ZNF503: variants seen among roughly 807,000 people sequenced by gnomAD.
The protein encoded by ZNF503 is zinc finger protein 503.
A neutral mutation model predicts 34.4 loss-of-function variants in ZNF503; 15 were observed. The observed-to-expected ratio is 0.44, with a 90% CI of 0.29 to 0.67. ZNF503 has a LOEUF of 0.67. Ranked by LOEUF, ZNF503 falls within the 30% of genes least tolerant of loss-of-function variation. ZNF503 has a pLI of 0.13. For missense variants in ZNF503, 1,007 were observed against 926.8 expected, an observed-to-expected ratio of 1.09 and a Z score of -1.12; for synonymous variants, 580 against 456.8, an observed-to-expected ratio of 1.27 and a Z score of -3.44.
the ZNF503 span, among the ~76,000 whole-genome samples, chr10:75,286,771 C>A: frequency 1.3e-5 from 2 of 152,212 alleles, no homozygotes; most frequent in Non-Finnish European, 2.9e-5. Flanking sequence ...AACCTCCTGG[C>A]TTCCAGGGCT....
chr10:75,372,599 C>T, the ZNF503 span, among the ~76,000 whole-genome samples: 2 of 152,194 alleles, frequency 1.3e-5, no homozygotes, highest in African/African-American at 4.8e-5. Context: ...CAACCAGGGA[C>T]AGGATTGTTT....
the ZNF503 span, among the ~76,000 whole-genome samples, chr10:75,325,118 T>G: frequency 3.9e-5 from 6 of 152,054 alleles, no homozygotes; most frequent in East Asian, 1.2e-3. Context: ...TATCTAGGAG[T>G]GTTGAGTTAA....
At chr10:75,324,322 T>C in the ZNF503 span, among the ~76,000 whole-genome samples, 1 of 108,022 alleles carries the variant, frequency 9.3e-6, no homozygotes, top group East Asian at 2.5e-4. Flanking sequence ...GTTTGTTTGT[T>C]TTTCTGTTTT....
chr10:75,306,365 A>G, the ZNF503 span, among the ~76,000 whole-genome samples: 5 of 152,202 alleles, frequency 3.3e-5, no homozygotes, highest in Non-Finnish European at 5.9e-5. Flanking sequence ...TGTCTATTCA[A>G]GTCCTCTGTT....
the ZNF503 span, among the ~76,000 whole-genome samples, chr10:75,347,393 A>C: frequency 6.6e-6 from 1 of 152,226 alleles, no homozygotes; most frequent in African/African-American, 2.4e-5. Context: ...AGGGCTGACG[A>C]GAGGAGAACG....
chr10:75,400,949 C>G (rs999168160), intron 1 of ZNF503, 156 bp downstream of exon 1: 2 of 1,117,410 alleles, frequency 1.8e-6, no homozygotes, highest in East Asian at 5.1e-5. Context: ...CCCTTTTCCG[C>G]CCTAGTTTTG....
At chr10:75,289,265 T>C in the ZNF503 span, among the ~76,000 whole-genome samples, 7 of 152,080 alleles carry the variant, frequency 4.6e-5, no homozygotes, top group Non-Finnish European at 5.9e-5. Context: ...CAGGGCATAA[T>C]AGAGGGTGAT....
chr10:75,365,957 G>A, the ZNF503 span, among the ~76,000 whole-genome samples: 1 of 152,202 alleles, frequency 6.6e-6, no homozygotes, highest in Non-Finnish European at 1.5e-5. Flanking sequence ...TTTCCCAGAG[G>A]AGCCCCAGTG....
At chr10:75,391,384 G>A in the ZNF503 span, among the ~76,000 whole-genome samples, 1 of 152,104 alleles carries the variant, frequency 6.6e-6, no homozygotes, top group Non-Finnish European at 1.5e-5. Flanking sequence ...CAGCCATCTC[G>A]GACTCAGAGA....
chr10:75,401,421 AC>A lies in ZNF503; in HGVS notation c.-3del. 7 of 1,534,890 alleles carry A rather than the reference AC, an allele frequency of 4.6e-6. No homozygotes were observed. Among genetic ancestry groups the A allele is most frequent in the Non-Finnish European group, 5.2e-6 (6 of 1,145,406 alleles). On this transcript the variant is annotated 5_prime_UTR_variant, in exon 1 of 2. Transcript: ENST00000372524. The stretch of plus-strand genomic sequence containing the variant: ...AGAAAGCGAGGGCGCTGTGCTCATG[AC>A]CCACCCGCGCGCATGGGAGCAGCGG...
At chr10:75,376,985 A>C in the ZNF503 span, among the ~76,000 whole-genome samples, 1 of 152,226 alleles carries the variant, frequency 6.6e-6, no homozygotes, top group Non-Finnish European at 1.5e-5. Flanking sequence ...ATACAGAGCC[A>C]AACTATATCA....
At chr10:75,289,321 A>G in the ZNF503 span, among the ~76,000 whole-genome samples, 3 of 152,178 alleles carry the variant, frequency 2.0e-5, 1 homozygote, top group South Asian at 6.2e-4. Flanking sequence ...CCGCCTGCCC[A>G]CAGGCCTCTG....
the ZNF503 span, among the ~76,000 whole-genome samples, chr10:75,374,985 C>T: frequency 1.3e-5 from 2 of 152,296 alleles, no homozygotes; most frequent in Admixed American, 1.3e-4. Context: ...AGGGCAGGAG[C>T]CATTGCCCCA....
chr10:75,310,307 G>A, the ZNF503 span, among the ~76,000 whole-genome samples: 2 of 152,188 alleles, frequency 1.3e-5, no homozygotes, highest in African/African-American at 4.8e-5. Flanking sequence ...GATCTGGTGA[G>A]CTCTCTACGT....
the ZNF503 span, among the ~76,000 whole-genome samples, chr10:75,376,248 C>T: frequency 2.0e-5 from 3 of 152,224 alleles, no homozygotes; most frequent in Non-Finnish European, 4.4e-5. Flanking sequence ...GGCTTGTAAT[C>T]TGTGCCTGGG....
the ZNF503 span, among the ~76,000 whole-genome samples, chr10:75,305,291 A>G: frequency 6.6e-6 from 1 of 152,072 alleles, no homozygotes; most frequent in African/African-American, 2.4e-5. Context: ...ACCAAATTCA[A>G]ATCCAAGTTG....
the ZNF503 span, among the ~76,000 whole-genome samples, chr10:75,377,511 AC>A: frequency 6.6e-6 from 1 of 152,136 alleles, no homozygotes; most frequent in East Asian, 1.9e-4. Flanking sequence ...GCTATATGAC[AC>A]ATGCATGGGG....
At chr10:75,303,167 C>A in the ZNF503 span, among the ~76,000 whole-genome samples, 1 of 152,204 alleles carries the variant, frequency 6.6e-6, no homozygotes, top group Admixed American at 6.5e-5. Context: ...TAGAAAGAAT[C>A]TGACTGGTCT....
At chr10:75,338,166 G>A in the ZNF503 span, 1 of 152,108 alleles carries the variant, frequency 6.6e-6, no homozygotes, top group African/African-American at 2.4e-5. Context: ...TAATCATAAC[G>A]TCTTTATGTT....
Sources: gnomAD v4.1 joint callset for allele counts (sites outside exome capture counted in the v4.1 genomes callset) on GRCh38, gnomAD v4.1.1 for gene constraint, MANE v1.5 for transcripts, NCBI Gene and HGNC (gene_info 2026-07-23, HGNC 2026-07-21) for gene names.